FGF1: variants seen among roughly 807,000 people sequenced by gnomAD.
FGF1 encodes fibroblast growth factor 1.
Under a neutral mutation model 13.4 loss-of-function variants are expected in FGF1, and 9 were observed. The observed-to-expected ratio is 0.67, with a 90% CI of 0.40 to 1.17. FGF1 has a LOEUF of 1.17. Ranked by LOEUF, FGF1 falls within the 50% of genes most tolerant of loss-of-function variation. The probability of loss-of-function intolerance (pLI) is 0.01; values close to 1 mark genes in which losing one functional copy is unlikely to be tolerated. For missense variants in FGF1, 156 were observed against 192.7 expected (o/e 0.81, Z 1.13); for synonymous variants, 93 against 79.0 (o/e 1.18, Z -0.94).
At chr5:142,623,950 G>A (rs923599249) in intron 1 of FGF1, among the ~76,000 whole-genome samples, 4 of 151,048 alleles carry the variant, frequency 2.6e-5, no homozygotes, top group Non-Finnish European at 4.4e-5. Context: ...ACAGAGTTTC[G>A]CTCTTGTTGC....
intron 1 of FGF1, among the ~76,000 whole-genome samples, chr5:142,636,794 G>A (rs1250355079): frequency 6.6e-6 from 1 of 151,974 alleles, no homozygotes. Flanking sequence ...AGTTTTACTT[G>A]GGGGAACTGA....
chr5:142,610,824 A>G (rs1041894393), intron 2 of FGF1, among the ~76,000 whole-genome samples: 19 of 152,204 alleles, frequency 1.2e-4, no homozygotes, highest in African/African-American at 4.3e-4. Flanking sequence ...ACACACAAGC[A>G]TCTGCCCTAG....
rs978302839 is a variant in FGF1, at chr5:142,696,926, G to A, written c.-35+696C>T. Among the ~76,000 whole-genome samples, 12 of 152,260 alleles carry A rather than the reference G, an allele frequency of 7.9e-5. No homozygotes were observed. In the South Asian group the frequency reaches 1.2e-3, roughly 16 times the overall value. On this transcript the variant is annotated intron_variant, in intron 2 of 4. Transcript: ENST00000407758. ...GTTTGTGTGTGGAAGTGATAGTGGC[G>A]TCTATCCATATCCCTAAATGGATAT...
At chr5:142,667,808 C>T (rs1770719336) in intron 1 of FGF1, among the ~76,000 whole-genome samples, 1 of 152,202 alleles carries the variant, frequency 6.6e-6, no homozygotes, top group African/African-American at 2.4e-5. Context: ...CCAGCCTCAT[C>T]CACATGCTGT....
intron 1 of FGF1, among the ~76,000 whole-genome samples, chr5:142,618,801 G>A (rs552566299): frequency 2.1e-4 from 32 of 151,994 alleles, no homozygotes; most frequent in African/African-American, 6.5e-4. Flanking sequence ...ACAGTTATTT[G>A]CGAGGCCCAT....
Position 142,618,717 on chromosome 5 carries a change from A to C in FGF1, c.-34-4556T>G, listed in dbSNP as rs563714598. On this transcript the variant is annotated intron_variant, in intron 1 of 3. Transcript: ENST00000337706. ...GTAAGCCATGGTTATGTAAGAAAAAATCCTGGTCTGCATTTCAGACTCAGT... is the reference window on the plus strand; with the variant it reads ...GTAAGCCATGGTTATGTAAGAAAAACTCCTGGTCTGCATTTCAGACTCAGT... 2.6e-5 allele frequency among the ~76,000 whole-genome samples: 4 copies of C among 152,222 alleles called. No homozygotes were observed. The East Asian group carries it at 7.7e-4, about 29-fold the overall frequency.
At chr5:142,661,883 G>T (rs1769304060) in intron 1 of FGF1, among the ~76,000 whole-genome samples, 1 of 152,078 alleles carries the variant, frequency 6.6e-6, no homozygotes. Flanking sequence ...GTTGCCTGTA[G>T]TCTCAGCTAC....
chr5:142,685,956 C>T lies in FGF1; in HGVS notation c.-35+1G>A, dbSNP rs368162818. 2 of 152,056 alleles carry T rather than the reference C, an allele frequency of 1.3e-5. No individual in the cohort carries two copies. The highest frequency in any genetic ancestry group is 4.8e-5 in the African/African-American group (2 of 41,336). 9.4% of individuals were successfully genotyped at this position (152,056 alleles called of 1,614,324 possible). On this transcript the variant is annotated splice_donor_variant, in intron 1 of 3. Transcript: ENST00000337706. LOFTEE classifies it low-confidence loss of function (5UTR_SPLICE). ...CCCAGATCAGATGCCCTGATTCTTA[C>T]CTAAAGAGCTTGTAGGCCGAGGGCT... is the stretch of plus-strand genomic sequence containing the variant.
chr5:142,674,422 G>A (rs557731104), intron 1 of FGF1, among the ~76,000 whole-genome samples: 1 of 152,298 alleles, frequency 6.6e-6, no homozygotes, highest in African/African-American at 2.4e-5. Flanking sequence ...AAAGTCCCTG[G>A]AGAGGGGGAC....
At chr5:142,627,669 C>A (rs139372666) in intron 1 of FGF1, among the ~76,000 whole-genome samples, 1,608 of 152,304 alleles carry the variant, frequency 0.011, 15 homozygotes, top group Non-Finnish European at 0.017. Context: ...GGCAGGGGAG[C>A]AGGGCCCAGG....
At chr5:142,622,141 G>A (rs73797920) in intron 1 of FGF1, among the ~76,000 whole-genome samples, 3,588 of 152,306 alleles carry the variant, frequency 0.024, 157 homozygotes, top group African/African-American at 0.081. Flanking sequence ...CTAGCAAAAT[G>A]CCTGACACCT....
At chr5:142,677,190 TAGA>T (rs1267638874) in intron 1 of FGF1, among the ~76,000 whole-genome samples, 1 of 152,240 alleles carries the variant, frequency 6.6e-6, no homozygotes, top group Non-Finnish European at 1.5e-5. Flanking sequence ...TCTCATTTTC[TAGA>T]AGCTCTTTAT....
At chr5:142,614,248 A>C in intron 1 of FGF1, 87 bp from the exon 2 acceptor site, 1 of 1,071,254 alleles carries the variant, frequency 9.3e-7, no homozygotes, top group South Asian at 1.5e-5. Context: ...GCTCCAGGGC[A>C]CAGGGTTCCC....
chr5:142,659,676 A>G (rs1768832331), intron 1 of FGF1, among the ~76,000 whole-genome samples: 1 of 152,210 alleles, frequency 6.6e-6, no homozygotes, highest in Non-Finnish European at 1.5e-5. Context: ...CTTTATCTAT[A>G]AAATGTGAAT....
chr5:142,626,149 A>G (rs7718454), intron 1 of FGF1, among the ~76,000 whole-genome samples: 3,415 of 151,914 alleles, frequency 0.022, 155 homozygotes, highest in African/African-American at 0.078. Flanking sequence ...CTGTTAGGAA[A>G]GTATTTTTGT....
At chr5:142,629,896 T>TATATATA (rs1554082565) in intron 1 of FGF1, among the ~76,000 whole-genome samples, 1 of 65,882 alleles carries the variant, frequency 1.5e-5, no homozygotes, top group African/African-American at 5.7e-5. Context: ...TATATATATA[T>TATATATA]TTTTTTTTTT....
intron 1 of FGF1, among the ~76,000 whole-genome samples, chr5:142,649,465 G>C (rs2151970835): frequency 6.6e-6 from 1 of 151,576 alleles, no homozygotes; most frequent in African/African-American, 2.4e-5. Context: ...GGAGTGCAGT[G>C]GCGCGATCTC....
At chr5:142,648,212 G>C (rs1396737311) in intron 1 of FGF1, among the ~76,000 whole-genome samples, 1 of 152,156 alleles carries the variant, frequency 6.6e-6, no homozygotes, top group Non-Finnish European at 1.5e-5. Flanking sequence ...ACACACGTAT[G>C]TTTATTGCAG....
chr5:142,668,918 G>A (rs1770931381), intron 1 of FGF1, among the ~76,000 whole-genome samples: 1 of 152,202 alleles, frequency 6.6e-6, no homozygotes, highest in African/African-American at 2.4e-5. Context: ...AAGAGGAAGG[G>A]GTCAGGAGGA....
Sources: gnomAD v4.1 joint callset for allele counts (sites outside exome capture counted in the v4.1 genomes callset) on GRCh38, gnomAD v4.1.1 for gene constraint, MANE v1.5 for transcripts, NCBI Gene and HGNC (gene_info 2026-07-23, HGNC 2026-07-21) for gene names.